AUTS2: variants seen among roughly 807,000 people sequenced by gnomAD.
AUTS2 encodes activator of transcription and developmental regulator AUTS2, also known as autism susceptibility gene 2 protein.
In AUTS2, 17 loss-of-function variants were observed where a neutral mutation model predicts 112.4. The observed-to-expected ratio is 0.15, with a 90% CI of 0.10 to 0.23. AUTS2 has a LOEUF of 0.23. Among genes scored for constraint, AUTS2 ranks in the 10% least tolerant of loss-of-function variants. The pLI, the probability that AUTS2 is intolerant of heterozygous loss-of-function variation, is 1.00. For synonymous variants in AUTS2, 751 were observed against 702.7 expected (o/e 1.07, Z -1.09); for missense variants, 1,510 against 1,701.6 (o/e 0.89, Z 1.98).
intron 6 of AUTS2, among the ~76,000 whole-genome samples, chr7:70,735,806 T>C (rs915123900): frequency 6.6e-6 from 1 of 152,096 alleles, no homozygotes; most frequent in African/African-American, 2.4e-5. Flanking sequence ...CCGAGGAAGA[T>C]TTATGTGACC....
At chr7:69,853,875 G>A (rs574051106) in intron 1 of AUTS2, among the ~76,000 whole-genome samples, 6 of 152,162 alleles carry the variant, frequency 3.9e-5, no homozygotes, top group South Asian at 2.1e-4. Flanking sequence ...CAATATTGCT[G>A]TAAGTGAGAT....
At chr7:70,680,001 T>C (rs10234983) in intron 5 of AUTS2, among the ~76,000 whole-genome samples, 36,853 of 152,088 alleles carry the variant, frequency 0.24, 4,836 homozygotes, top group African/African-American at 0.34. Context: ...CACTTGTACC[T>C]TGACTGTCTC....
chr7:69,727,975 C>A (rs1051582555), intron 1 of AUTS2, among the ~76,000 whole-genome samples: 3 of 152,176 alleles, frequency 2.0e-5, no homozygotes, highest in African/African-American at 7.2e-5. Flanking sequence ...TCCCTAGATT[C>A]TTCTGAGTGC....
chr7:70,276,024 C>G (rs543824670), intron 4 of AUTS2, among the ~76,000 whole-genome samples: 1 of 152,290 alleles, frequency 6.6e-6, no homozygotes, highest in South Asian at 2.1e-4. Flanking sequence ...CCTCCTCTGC[C>G]TCCATCTCTG....
intron 4 of AUTS2, among the ~76,000 whole-genome samples, chr7:70,407,443 C>T (rs1286511971): frequency 1.3e-5 from 2 of 152,076 alleles, no homozygotes; most frequent in East Asian, 1.9e-4. Context: ...TAACAAGAAC[C>T]GGTCGGGAGT....
At chr7:70,058,992 A>G (rs934991756) in intron 2 of AUTS2, among the ~76,000 whole-genome samples, 3 of 152,156 alleles carry the variant, frequency 2.0e-5, no homozygotes, top group Admixed American at 2.0e-4. Context: ...TACAGTTGCT[A>G]CAGTTGATTA....
At chr7:70,200,440 C>T (rs1296673247) in intron 4 of AUTS2, among the ~76,000 whole-genome samples, 2 of 1,300 alleles carry the variant, frequency 1.5e-3, no homozygotes, top group Admixed American at 6.9e-3. Flanking sequence ...ATTGATAGAC[C>T]GCTAGCAAGA....
At chr7:70,140,252 T>C (rs1317770843) in intron 4 of AUTS2, among the ~76,000 whole-genome samples, 2 of 152,172 alleles carry the variant, frequency 1.3e-5, no homozygotes, top group East Asian at 1.9e-4. Flanking sequence ...ATTTAGTTCT[T>C]TATTTTTATT....
intron 2 of AUTS2, among the ~76,000 whole-genome samples, chr7:70,098,828 G>T (rs572753734): frequency 1.3e-5 from 2 of 151,324 alleles, no homozygotes; most frequent in Admixed American, 6.6e-5. Context: ...TCAGCCTCCC[G>T]AGTAGCTGGG....
chr7:69,826,480 G>A (rs1003790365), intron 1 of AUTS2, among the ~76,000 whole-genome samples: 2 of 152,102 alleles, frequency 1.3e-5, no homozygotes, highest in Non-Finnish European at 2.9e-5. Flanking sequence ...GGCATCTCAG[G>A]GTTCTGTCCT....
In AUTS2 at chr7:70,059,159, G is replaced by A. The variant is rs1802126892; in HGVS notation, c.523-58973G>A. Among the ~76,000 whole-genome samples, 5 of 152,032 alleles carry A rather than the reference G, an allele frequency of 3.3e-5. No individual in the cohort carries two copies. The South Asian group carries it at 1.0e-3, about 32-fold the overall frequency. On this transcript the variant is annotated intron_variant, in intron 2 of 18. Coordinates refer to ENST00000342771, the MANE Select transcript of AUTS2 (RefSeq NM_015570.4). ...AGTTTCATTGCCCTAAAAATCCTTT[G>A]TGCTCTACCTATTCATCCCCCTACC...
At chr7:70,299,548 G>A (rs1038196184) in intron 4 of AUTS2, among the ~76,000 whole-genome samples, 16 of 152,154 alleles carry the variant, frequency 1.1e-4, no homozygotes, top group African/African-American at 3.6e-4. Flanking sequence ...AGCGTGTGGT[G>A]TCTGCATTTT....
At chr7:69,774,428 T>G (rs1276632549) in intron 1 of AUTS2, among the ~76,000 whole-genome samples, 1 of 152,192 alleles carries the variant, frequency 6.6e-6, no homozygotes, top group Admixed American at 6.5e-5. Context: ...TCTTTTGATG[T>G]CCGGGATACA....
At chr7:70,167,499 T>G (rs2129578193) in intron 4 of AUTS2, among the ~76,000 whole-genome samples, 1 of 152,328 alleles carries the variant, frequency 6.6e-6, no homozygotes, top group African/African-American at 2.4e-5. Flanking sequence ...TCCCTCACAT[T>G]GATAGAACAA....
intron 4 of AUTS2, among the ~76,000 whole-genome samples, chr7:70,301,909 C>T (rs917738069): frequency 6.6e-6 from 1 of 151,370 alleles, no homozygotes; most frequent in Admixed American, 6.6e-5. Flanking sequence ...CAAGTGTGCA[C>T]CACGATGCCT....
At chr7:70,258,225 G>A (rs532356113) in intron 4 of AUTS2, among the ~76,000 whole-genome samples, 1 of 152,224 alleles carries the variant, frequency 6.6e-6, no homozygotes, top group Non-Finnish European at 1.5e-5. Flanking sequence ...GTTTGACAAT[G>A]TTGAGACTGT....
chr7:70,232,342 A>C (rs1327685059), intron 4 of AUTS2, among the ~76,000 whole-genome samples: 2 of 151,814 alleles, frequency 1.3e-5, no homozygotes, highest in Non-Finnish European at 2.9e-5. Context: ...TCTTTCTATG[A>C]GCATACATAC....
chr7:69,764,510 T>G (rs957416136), intron 1 of AUTS2, among the ~76,000 whole-genome samples: 7 of 151,692 alleles, frequency 4.6e-5, no homozygotes, highest in African/African-American at 1.7e-4. Context: ...TAGAGACAAC[T>G]GGGATAAGGA....
intron 4 of AUTS2, among the ~76,000 whole-genome samples, chr7:70,177,949 C>G (rs368946988): frequency 5.6e-4 from 82 of 145,464 alleles, no homozygotes; most frequent in African/African-American, 2.1e-3. Flanking sequence ...TGGAGTCTTG[C>G]GCTGTCACCA....
Sources: gnomAD v4.1 joint callset for allele counts (sites outside exome capture counted in the v4.1 genomes callset) on GRCh38, gnomAD v4.1.1 for gene constraint, MANE v1.5 for transcripts, NCBI Gene and HGNC (gene_info 2026-07-23, HGNC 2026-07-21) for gene names.